The following C1orf167 variants were observed in gnomAD, a reference collection of about 807,000 sequenced individuals.
The protein encoded by C1orf167 is chromosome 1 open reading frame 167.
Under a neutral mutation model 176.5 loss-of-function variants are expected in C1orf167, and 153 were observed. The ratio of observed to expected loss-of-function variants is 0.87; its 90% CI spans 0.76 to 0.99. C1orf167 has a LOEUF of 0.99. Among genes scored for constraint, C1orf167 ranks in the 50% least tolerant of loss-of-function variants. C1orf167 has a pLI of 0.00. For synonymous variants in C1orf167, 594 were observed against 752.7 expected, an observed-to-expected ratio of 0.79 and a Z score of 3.45; for missense variants, 1,490 against 1,817.7, an observed-to-expected ratio of 0.82 and a Z score of 3.28.
intron 2 of C1orf167, among the ~76,000 whole-genome samples, chr1:11,765,646 C>G (rs537466881): frequency 1.4e-4 from 22 of 152,308 alleles, no homozygotes; most frequent in Non-Finnish European, 8.8e-5. Context: ...CTGCTTCCCT[C>G]TGTCCAGCTC....
Position 11,779,947 on chromosome 1 carries a change from G to C in C1orf167, c.2797G>C (p.Ala933Pro). The C allele has an allele frequency of 7.7e-7, 1 of 1,299,774 alleles. No homozygotes were observed. The highest frequency in any genetic ancestry group is 1.0e-6 in the Non-Finnish European group (1 of 986,688). 80.5% of individuals were successfully genotyped at this position (1,299,774 alleles called of 1,614,324 possible). A position where few individuals can be genotyped will look rare whatever the true frequency, so the allele number is the denominator to read the frequency against. The change falls in exon 13 of 21, where the codon GCC becomes CCC. Residue 933 changes from alanine to proline, a missense_variant. Physicochemically the swap from Ala to Pro is conservative, Grantham distance 27. Coordinates refer to ENST00000688073, the MANE Select transcript of C1orf167 (RefSeq NM_001010881.2). Reference protein sequence around the residue: ...LLQSRLVEWWAQERGWRLARD... With the variant: ...LLQSRLVEWWPQERGWRLARD... Reference sequence around the variant, plus strand: ...GCAGTCACGGCTGGTGGAGTGGTGGGCCCAGGAGCGGGGCTGGCGGCTGGC... The same window carrying C: ...GCAGTCACGGCTGGTGGAGTGGTGGCCCCAGGAGCGGGGCTGGCGGCTGGC...
chr1:11,778,663 C>T lies in C1orf167; in HGVS notation c.2343C>T (p.Ser781=). 1.5e-6 allele frequency: 2 copies of T among 1,295,448 alleles called. No homozygotes were observed. Among genetic ancestry groups the T allele is most frequent in the Non-Finnish European group, 2.0e-6 (2 of 982,264 alleles). 80.2% of individuals were successfully genotyped at this position (1,295,448 alleles called of 1,614,324 possible). Residue 781 remains serine (S), a synonymous_variant, in exon 11 of 21, where the codon TCC becomes TCT. Coordinates refer to ENST00000688073, the MANE Select transcript of C1orf167 (RefSeq NM_001010881.2). ...CACTCACCTGCCCCTTCTCTAGCTCCTTCTTCCAGGGCCTGCAGCAGCGGA... is the reference window on the plus strand; with the variant it reads ...CACTCACCTGCCCCTTCTCTAGCTCTTTCTTCCAGGGCCTGCAGCAGCGGA... The part of the protein sequence containing the change: ...MRLFQRQWAN[S]FFQGLQQRML...
At position 11,773,189 on chromosome 1, in the gene C1orf167, G is replaced by C. The variant is rs571621913; in HGVS notation, c.1988+930G>C. Among the ~76,000 whole-genome samples the C allele has an allele frequency of 2.0e-5, 3 of 151,498 alleles. 1 individual carries two copies. The highest frequency in any genetic ancestry group is 7.3e-5 in the African/African-American group (3 of 41,352). Reference sequence around the variant, plus strand: ...ATTACAGGCATGAGCCACCGCACCCGGCCTGTGGGGCATTTTTCTTACTCA... The same window carrying C: ...ATTACAGGCATGAGCCACCGCACCCCGCCTGTGGGGCATTTTTCTTACTCA... On this transcript the variant is annotated intron_variant, in intron 8 of 20. Transcript: ENST00000688073.
chr1:11,784,201 A>G lies in C1orf167; in HGVS notation c.3033A>G (p.Val1011=), dbSNP rs754646439. ...ACTTCCAGGCCTGGTGTGAGGTTGT[A>G]AGAGACACGGGGGTGCTCCGGGCCC... ...QSYFQAWCEV[V]RDTGVLRAQH... is the part of the protein sequence containing the mutation. The change falls in exon 15 of 21, where the codon GTA becomes GTG. Residue 1011 remains valine (V), a synonymous_variant. Coordinates refer to ENST00000688073, the MANE Select transcript of C1orf167 (RefSeq NM_001010881.2). The G allele has an allele frequency of 5.2e-5, 65 of 1,255,996 alleles. No homozygotes were observed. The highest frequency in any genetic ancestry group is 6.5e-5 in the Non-Finnish European group (63 of 964,066). The allele number at this position is 1,255,996 out of a possible 1,614,324, so 77.8% of individuals were successfully genotyped here.
At chr1:11,775,694 T>A (rs1418801377) in intron 9 of C1orf167, 84 bp downstream of exon 9, 1 of 1,232,436 alleles carries the variant, frequency 8.1e-7, no homozygotes, top group African/African-American at 1.6e-5. Context: ...ATGTGAATTC[T>A]TGTGGGAGGT....
At chr1:11,785,107 G>A in intron 15 of C1orf167, 41 bp from the exon 16 acceptor site, 1 of 1,263,142 alleles carries the variant, frequency 7.9e-7, no homozygotes, top group South Asian at 1.3e-5. Context: ...GAGAGTCCTG[G>A]CCTTTATGGC....
Position 11,768,060 on chromosome 1 carries a change from C to A in C1orf167, c.1344-17C>A. 7.8e-7 allele frequency: 1 copy of A among 1,275,798 alleles called. No individual in the cohort carries two copies. The allele number at this position is 1,275,798 out of a possible 1,614,324, so 79.0% of individuals were successfully genotyped here. On this transcript the variant is annotated splice_polypyrimidine_tract_variant and intron_variant, in intron 4 of 20. Coordinates refer to ENST00000688073, the MANE Select transcript of C1orf167 (RefSeq NM_001010881.2). The surrounding 1 kb of genome is among the most constrained non-coding windows in gnomAD (Gnocchi z 4.5). The stretch of plus-strand genomic sequence containing the variant: ...GGAGGGCAGTCCACACCCTGATCAG[C>A]CCTGGTCTGTCCCCAGCTGGCAGCT...
At chr1:11,788,404 C>T in intron 19 of C1orf167, 26 bp downstream of exon 19, 1 of 1,274,768 alleles carries the variant, frequency 7.8e-7, no homozygotes, top group Non-Finnish European at 1.0e-6. Context: ...CCTCTCCACA[C>T]TGACCATCTC....
At position 11,768,208 on chromosome 1, in the gene C1orf167, G is replaced by A. The variant is rs1223890527; in HGVS notation, c.1475G>A (p.Arg492Gln). 16 of 1,289,644 alleles carry A rather than the reference G, an allele frequency of 1.2e-5. No individual in the cohort carries two copies. The highest frequency in any genetic ancestry group is 2.1e-4 in the Middle Eastern group (1 of 4,716). 79.9% of individuals were successfully genotyped at this position (1,289,644 alleles called of 1,614,324 possible). ...LRKCLQALWL[R>Q]EAQLEAAWGQ... ...AAGTGCCTTCAGGCCTTGTGGCTCCGGGAGGCTCAGCTGGAGGCAGCATGG... is the reference window on the plus strand; with the variant it reads ...AAGTGCCTTCAGGCCTTGTGGCTCCAGGAGGCTCAGCTGGAGGCAGCATGG... The change falls in exon 5 of 21, where the codon CGG (arginine) becomes CAG (glutamine). Residue 492 changes from arginine to glutamine, a missense_variant. Arg to Gln is a conservative substitution (Grantham distance 43). Transcript: ENST00000688073. The surrounding 1 kb of genome is among the most constrained non-coding windows in gnomAD (Gnocchi z 4.5).
At chr1:11,773,917 A>AG (rs200738415) in intron 8 of C1orf167, among the ~76,000 whole-genome samples, 15,433 of 102,150 alleles carry the variant, frequency 0.15, 854 homozygotes, top group East Asian at 0.26. Flanking sequence ...AATTAAAAAA[A>AG]AATAGAGACA....
chr1:11,781,977 A>T (rs1643623779), intron 13 of C1orf167, among the ~76,000 whole-genome samples: 1 of 152,186 alleles, frequency 6.6e-6, no homozygotes, highest in African/African-American at 2.4e-5. Context: ...ACTGTGGCAA[A>T]ATTAACAAAC....
rs1444767190 is a variant in C1orf167, at chr1:11,785,148, G to A, written c.3426G>A (p.Trp1142Ter). 1.6e-6 allele frequency: 2 copies of A among 1,285,630 alleles called. No homozygotes were observed. The highest frequency in any genetic ancestry group is 5.6e-5 in the East Asian group (1 of 17,778). 79.6% of individuals were successfully genotyped at this position (1,285,630 alleles called of 1,614,324 possible). The change falls in exon 16 of 21, where the codon TGG (tryptophan) becomes TGA (stop). Residue 1142 changes from tryptophan to a stop codon, truncating the protein, a stop_gained and splice_region_variant. Transcript: ENST00000688073. LOFTEE classifies it high-confidence loss of function. ...RAHASWKPRAWVLEASVQSAV... is the reference protein window; with the variant it reads ...RAHASWKPRA ...CTGCAGACTCCTTCCTCTCCCGCAG[G>A]GTCCTAGAGGCCTCGGTGCAGTCGG...
chr1:11,784,040 T>C (rs948435680), intron 14 of C1orf167, 134 bp from the exon 15 acceptor site: 27 of 766,204 alleles, frequency 3.5e-5, no homozygotes, highest in Non-Finnish European at 4.7e-5. Flanking sequence ...GTATTTTTAA[T>C]AGAGACGGGG....
At chr1:11,774,356 C>A (rs947621391) in intron 8 of C1orf167, among the ~76,000 whole-genome samples, 4 of 152,160 alleles carry the variant, frequency 2.6e-5, no homozygotes, top group East Asian at 1.9e-4. Flanking sequence ...CTGTTAAAAT[C>A]TTTGTAAACT....
intron 16 of C1orf167, chr1:11,786,023 G>A (rs1034466941): frequency 3.4e-5 from 4 of 117,914 alleles, no homozygotes; most frequent in Non-Finnish European, 6.8e-5. Context: ...GTGAGCCACC[G>A]CGCCAGGCCA....
intron 6 of C1orf167, among the ~76,000 whole-genome samples, chr1:11,770,003 G>A (rs982823711): frequency 1.3e-5 from 2 of 152,008 alleles, no homozygotes; most frequent in African/African-American, 4.8e-5. Flanking sequence ...TAGCAGTAAT[G>A]CATGCTCAAT....
At chr1:11,764,293 T>C (rs761194962) in intron 1 of C1orf167, 38 bp from the exon 2 acceptor site, 4 of 868,252 alleles carry the variant, frequency 4.6e-6, no homozygotes, top group East Asian at 6.3e-5. Flanking sequence ...TGGGGTGGGG[T>C]TGAATGAGAG....
Position 11,787,874 on chromosome 1 carries a change from G to T in C1orf167, c.3675G>T (p.Arg1225Ser), listed in dbSNP as rs1330541909. 3 of 1,223,006 alleles carry T rather than the reference G, an allele frequency of 2.5e-6. No homozygotes were observed. Among genetic ancestry groups the T allele is most frequent in the Non-Finnish European group, 3.2e-6 (3 of 949,048 alleles). The allele number at this position is 1,223,006 out of a possible 1,614,324, so 75.8% of individuals were successfully genotyped here. A position where few individuals can be genotyped will look rare whatever the true frequency, so the allele number is the denominator to read the frequency against. ...TTGTGACTCAACTCCCCTTTCCAGG[G>T]TGCAGGGAACATTCCCTCTGCCCTG... ...RKPRGTAWAQ[R>S]CREHSLCPAF... Residue 1225 changes from arginine to serine, a missense_variant and splice_region_variant, in exon 18 of 21, where the codon AGG (arginine) becomes AGT (serine). Arg to Ser is a moderately radical substitution (Grantham distance 110). Transcript: ENST00000688073.
rs1403663662 is a variant in C1orf167 at position 11,784,346 on chromosome 1, C to T, written c.3178C>T (p.Leu1060Phe). The T allele has an allele frequency of 7.7e-7, 1 of 1,303,982 alleles. No homozygotes were observed. Among genetic ancestry groups the T allele is most frequent in the Non-Finnish European group, 1.0e-6 (1 of 988,842 alleles). 80.8% of individuals were successfully genotyped at this position (1,303,982 alleles called of 1,614,324 possible). A position where few individuals can be genotyped will look rare whatever the true frequency, so the allele number is the denominator to read the frequency against. The change falls in exon 15 of 21, where the codon CTT becomes TTT. Residue 1060 changes from leucine to phenylalanine, a missense_variant. Transcript: ENST00000688073. ...AQEQRVAQASLARWRSCGQQG... is the reference protein window; with the variant it reads ...AQEQRVAQASFARWRSCGQQG... ...GGAGCAGCGTGTGGCCCAGGCCTCC[C>T]TTGCCCGCTGGAGAAGCTGCGGGCA...
Sources: gnomAD v4.1 joint callset for allele counts (sites outside exome capture counted in the v4.1 genomes callset) on GRCh38, gnomAD v4.1.1 for gene constraint, Gnocchi (gnomAD v3.1) non-coding constraint, MANE v1.5 for transcripts, NCBI Gene and HGNC (gene_info 2026-07-23, HGNC 2026-07-21) for gene names.